LIMD1: variants seen among roughly 807,000 people sequenced by gnomAD.
LIMD1 encodes LIM domain containing 1.
A neutral mutation model predicts 58.4 loss-of-function variants in LIMD1; 23 were observed. The ratio of observed to expected loss-of-function variants is 0.39; its 90% CI spans 0.28 to 0.56. LIMD1 has a LOEUF of 0.56. LIMD1 is among the 20% of genes least tolerant of loss of function. LIMD1 has a pLI of 0.57. For missense variants in LIMD1, 838 were observed against 855.5 expected (o/e 0.98, Z 0.25); for synonymous variants, 334 against 345.5 (o/e 0.97, Z 0.37).
chr3:45,619,828 GCCC>G (rs5848760), intron 1 of LIMD1, among the ~76,000 whole-genome samples: 2 of 87,612 alleles, frequency 2.3e-5, no homozygotes, highest in African/African-American at 4.2e-5. Context: ...CCAACCCCCC[GCCC>G]CCCCCCCCAA....
chr3:45,631,612 G>T (rs1701735308), intron 1 of LIMD1, among the ~76,000 whole-genome samples: 1 of 152,170 alleles, frequency 6.6e-6, no homozygotes, highest in East Asian at 1.9e-4. Context: ...AACAGAAAGT[G>T]AGGGACAGCT....
intron 2 of LIMD1, among the ~76,000 whole-genome samples, chr3:45,642,169 G>T (rs1701849061): frequency 6.6e-6 from 1 of 151,190 alleles, no homozygotes; most frequent in Admixed American, 6.6e-5. Flanking sequence ...TGAGAAAATT[G>T]TATCTTTTTT....
intron 1 of LIMD1, among the ~76,000 whole-genome samples, chr3:45,632,838 C>T (rs1701749162): frequency 6.6e-6 from 1 of 152,224 alleles, no homozygotes; most frequent in Admixed American, 6.5e-5. Context: ...CCAGTGGTCA[C>T]TGTGCATGGG....
intron 4 of LIMD1, among the ~76,000 whole-genome samples, chr3:45,669,452 A>G (rs1697562706): frequency 1.3e-5 from 2 of 152,204 alleles, no homozygotes; most frequent in South Asian, 4.1e-4. Context: ...TCATAGAGTA[A>G]AAGATACTAA....
intron 2 of LIMD1, among the ~76,000 whole-genome samples, chr3:45,639,951 C>T (rs1701825731): frequency 6.6e-6 from 1 of 152,264 alleles, no homozygotes; most frequent in African/African-American, 2.4e-5. Context: ...GCGTGAGCCA[C>T]CATGCCCGGC....
intron 3 of LIMD1, among the ~76,000 whole-genome samples, chr3:45,666,589 A>G (rs13085087): frequency 0.085 from 12,976 of 151,800 alleles, 619 homozygotes; most frequent in East Asian, 0.15. Flanking sequence ...GATCCCCCCA[A>G]CAGCCTTCCT....
intron 1 of LIMD1, among the ~76,000 whole-genome samples, chr3:45,610,370 T>C (rs1701511815): frequency 6.6e-6 from 1 of 152,200 alleles, no homozygotes; most frequent in Admixed American, 6.5e-5. Context: ...TCCCTCACCC[T>C]GACCAGAGTT....
chr3:45,598,738 A>G (rs1701380767), intron 1 of LIMD1, among the ~76,000 whole-genome samples: 1 of 152,222 alleles, frequency 6.6e-6, no homozygotes, highest in Non-Finnish European at 1.5e-5. Context: ...TTGGGTGATC[A>G]GGGAATGTCC....
chr3:45,613,195 G>A (rs1325148441), intron 1 of LIMD1, among the ~76,000 whole-genome samples: 2 of 152,202 alleles, frequency 1.3e-5, no homozygotes. Context: ...CTACAGGGCT[G>A]TTGGCTGAGG....
At chr3:45,627,293 G>A (rs533577427) in intron 1 of LIMD1, among the ~76,000 whole-genome samples, 4 of 152,220 alleles carry the variant, frequency 2.6e-5, no homozygotes, top group East Asian at 1.9e-4. Flanking sequence ...TTTCTTCCCC[G>A]GTACTCCCTT....
At chr3:45,660,705 C>T (rs1035045007) in intron 2 of LIMD1, among the ~76,000 whole-genome samples, 4 of 152,070 alleles carry the variant, frequency 2.6e-5, no homozygotes, top group Non-Finnish European at 1.5e-5. Flanking sequence ...CGTGAGCCAC[C>T]GCGCCCGGCC....
intron 1 of LIMD1, among the ~76,000 whole-genome samples, chr3:45,614,601 T>G (rs1701559334): frequency 6.6e-6 from 1 of 151,862 alleles, no homozygotes; most frequent in South Asian, 2.1e-4. Flanking sequence ...TGCGTGCCTA[T>G]AGTTCCAGGT....
intron 2 of LIMD1, among the ~76,000 whole-genome samples, chr3:45,664,268 A>G (rs747229380): frequency 6.6e-6 from 1 of 152,140 alleles, no homozygotes; most frequent in Non-Finnish European, 1.5e-5. Context: ...AGCCTCCCAA[A>G]ATGCTGGGAC....
In LIMD1 at chr3:45,681,754, T is replaced by C. The variant is rs182001937; in HGVS notation, c.*4695T>C. 6.6e-5 allele frequency: 10 copies of C among 152,348 alleles called. No homozygotes were observed. The highest frequency in any genetic ancestry group is 1.5e-4 in the Non-Finnish European group (10 of 68,032). The allele number at this position is 152,348 out of a possible 1,614,324, so 9.4% of individuals were successfully genotyped here. A position where few individuals can be genotyped will look rare whatever the true frequency, so the allele number is the denominator to read the frequency against. On this transcript the variant is annotated 3_prime_UTR_variant, in exon 8 of 8. Transcript: ENST00000273317. ...TATAAGTCTGGAACCTGGCAATTGG[T>C]GTCTATTCTTACCAGATGTATAAAA...
intron 1 of LIMD1, among the ~76,000 whole-genome samples, chr3:45,616,825 G>C (rs1701580749): frequency 6.6e-6 from 1 of 151,432 alleles, no homozygotes; most frequent in Admixed American, 6.6e-5. Flanking sequence ...CGCAATCTTG[G>C]CTCACTGCAG....
intron 1 of LIMD1, among the ~76,000 whole-genome samples, chr3:45,635,212 C>T (rs1477260214): frequency 6.6e-6 from 1 of 151,970 alleles, no homozygotes; most frequent in East Asian, 1.9e-4. Flanking sequence ...CACTCCAGCC[C>T]AGGTGACAGA....
At chr3:45,635,760 A>AT in intron 1 of LIMD1, 5 of 236,732 alleles carry the variant, frequency 2.1e-5, no homozygotes, top group Non-Finnish European at 3.3e-5. Context: ...AAAAAAAAAA[A>AT]GGGAGGAAAA....
intron 1 of LIMD1, among the ~76,000 whole-genome samples, chr3:45,614,787 G>GTTTTT (rs1559515416): frequency 8.3e-5 from 11 of 131,868 alleles, no homozygotes; most frequent in Non-Finnish European, 1.1e-4. Context: ...TTTTTTTGCC[G>GTTTTT]TTTTTTAAAC....
At chr3:45,620,249 C>T (rs1015012993) in intron 1 of LIMD1, among the ~76,000 whole-genome samples, 2 of 152,080 alleles carry the variant, frequency 1.3e-5, no homozygotes, top group Non-Finnish European at 2.9e-5. Flanking sequence ...TAAAAGTGAG[C>T]TAACTTGAGA....
Sources: allele counts gnomAD v4.1 joint callset (sites outside exome capture counted in the v4.1 genomes callset), GRCh38; gene constraint gnomAD v4.1.1; transcripts MANE v1.5; gene names NCBI Gene and HGNC (gene_info 2026-07-23, HGNC 2026-07-21).